The following DPP6 variants were observed in gnomAD, a reference collection of about 807,000 sequenced individuals.
The protein encoded by DPP6 is A-type potassium channel modulatory protein DPP6.
A neutral mutation model predicts 122.6 loss-of-function variants in DPP6; 69 were observed. The observed-to-expected ratio is 0.56, with a 90% CI of 0.46 to 0.69. DPP6 has a LOEUF of 0.69. Among genes scored for constraint, DPP6 ranks in the 30% least tolerant of loss-of-function variants. The pLI is 0.00. For synonymous variants in DPP6, 418 were observed against 433.1 expected (o/e 0.97, Z 0.43); for missense variants, 928 against 1,116.9 (o/e 0.83, Z 2.41).
chr7:154,288,134 C>A (rs1563419272), intron 1 of DPP6, among the ~76,000 whole-genome samples: 1 of 152,176 alleles, frequency 6.6e-6, no homozygotes, highest in Non-Finnish European at 1.5e-5. Context: ...AGAAAACTTC[C>A]TCTGGTTTTC....
intron 1 of DPP6, among the ~76,000 whole-genome samples, chr7:153,951,561 C>T (rs944892138): frequency 6.6e-6 from 1 of 152,218 alleles, no homozygotes; most frequent in Non-Finnish European, 1.5e-5. Flanking sequence ...CCCTGGCAGT[C>T]GCCACTGACA....
intron 1 of DPP6, among the ~76,000 whole-genome samples, chr7:154,284,275 G>T (rs1804709564): frequency 6.6e-6 from 1 of 152,160 alleles, no homozygotes; most frequent in Non-Finnish European, 1.5e-5. Flanking sequence ...GAAACAATCT[G>T]CAGGACGAAA....
intron 7 of DPP6, among the ~76,000 whole-genome samples, chr7:154,689,715 A>G (rs1839830613): frequency 6.6e-6 from 1 of 152,244 alleles, no homozygotes; most frequent in Non-Finnish European, 1.5e-5. Context: ...GCCATATATA[A>G]TTTACCAATT....
the DPP6 span, among the ~76,000 whole-genome samples, chr7:153,764,128 C>T: frequency 6.6e-6 from 1 of 152,168 alleles, no homozygotes; most frequent in Non-Finnish European, 1.5e-5. Flanking sequence ...CAAATAGTAT[C>T]ATTTACAAAA....
At chr7:153,936,650 C>CA (rs371398350) in intron 1 of DPP6, among the ~76,000 whole-genome samples, 93 of 146,242 alleles carry the variant, frequency 6.4e-4, no homozygotes, top group East Asian at 1.4e-3. Context: ...ACTAAAAATA[C>CA]AAAAAAAAAA....
At chr7:154,456,567 C>CT (rs1331808344) in intron 2 of DPP6, among the ~76,000 whole-genome samples, 1 of 97,438 alleles carries the variant, frequency 1.0e-5, no homozygotes, top group Non-Finnish European at 2.3e-5. Context: ...AAAATGCGCC[C>CT]CCCCCACCAA....
chr7:153,775,961 T>C, the DPP6 span, among the ~76,000 whole-genome samples: 1 of 152,200 alleles, frequency 6.6e-6, no homozygotes, highest in African/African-American at 2.4e-5. Context: ...TTTCTTTGTT[T>C]GGGAGATCTA....
chr7:153,986,573 A>T (rs1796860894), intron 1 of DPP6, among the ~76,000 whole-genome samples: 1 of 152,214 alleles, frequency 6.6e-6, no homozygotes, highest in African/African-American at 2.4e-5. Flanking sequence ...GGACCAGAGG[A>T]CCATGAAAAT....
chr7:154,272,428 G>A (rs902062791), intron 1 of DPP6, among the ~76,000 whole-genome samples: 3 of 152,174 alleles, frequency 2.0e-5, no homozygotes, highest in Admixed American at 1.3e-4. Context: ...GAAGCATTTT[G>A]TGCACCGCCT....
chr7:154,687,395 G>A (rs1169477505), intron 7 of DPP6, among the ~76,000 whole-genome samples: 1 of 152,128 alleles, frequency 6.6e-6, no homozygotes, highest in Non-Finnish European at 1.5e-5. Context: ...GTTTTCTGGT[G>A]CACATGTGGC....
At chr7:153,978,324 A>G (rs186245853) in intron 1 of DPP6, among the ~76,000 whole-genome samples, 406 of 152,152 alleles carry the variant, frequency 2.7e-3, no homozygotes, top group Middle Eastern at 6.8e-3. Context: ...GATTTTTTTC[A>G]TATGTTTGTT....
Position 154,570,206 on chromosome 7 carries a change from A to G in DPP6, c.627+3290A>G, listed in dbSNP as rs73483859. 7.6e-3 allele frequency among the ~76,000 whole-genome samples: 1,163 copies of G among 152,080 alleles called. 37 individuals carry two copies. Among genetic ancestry groups the G allele is most frequent in the African/African-American group, 0.026 (1,082 of 41,330 alleles). ...AGAGAAATGAGGAAACAGATCATTA[A>G]GGAGTTTAGACACAAATAGTACAGC... On this transcript the variant is annotated intron_variant, in intron 5 of 25. Transcript: ENST00000377770.
intron 19 of DPP6, among the ~76,000 whole-genome samples, chr7:154,874,059 A>G (rs1402903148): frequency 6.6e-6 from 1 of 151,796 alleles, no homozygotes; most frequent in Non-Finnish European, 1.5e-5. Flanking sequence ...GCACATATGC[A>G]CATGTATGTG....
chr7:154,102,707 T>C (rs1805839814), intron 1 of DPP6, among the ~76,000 whole-genome samples: 1 of 152,204 alleles, frequency 6.6e-6, no homozygotes, highest in African/African-American at 2.4e-5. Flanking sequence ...GATAACTGAA[T>C]GGACAACTAT....
chr7:153,760,739 G>A, the DPP6 span, among the ~76,000 whole-genome samples: 2 of 152,148 alleles, frequency 1.3e-5, no homozygotes, highest in Non-Finnish European at 2.9e-5. Flanking sequence ...TTGTTTGAGA[G>A]TGGCTTATCT....
At chr7:154,129,823 C>G (rs965836403) in intron 1 of DPP6, among the ~76,000 whole-genome samples, 1 of 151,900 alleles carries the variant, frequency 6.6e-6, no homozygotes, top group Non-Finnish European at 1.5e-5. Context: ...TGGCACAAAC[C>G]CAGGAGGCAG....
At chr7:154,809,114 C>T (rs188714991) in intron 16 of DPP6, among the ~76,000 whole-genome samples, 6 of 152,088 alleles carry the variant, frequency 3.9e-5, no homozygotes, top group African/African-American at 7.2e-5. Flanking sequence ...GGCTTCTCAC[C>T]GTTCATGGAA....
chr7:154,054,166 C>T (rs544185001), intron 1 of DPP6, among the ~76,000 whole-genome samples: 42 of 152,104 alleles, frequency 2.8e-4, no homozygotes, highest in Middle Eastern at 3.4e-3. Flanking sequence ...GGGGTCCCAC[C>T]GGCCTCTCAC....
intron 1 of DPP6, among the ~76,000 whole-genome samples, chr7:154,044,406 T>A (rs979402884): frequency 6.6e-6 from 1 of 152,204 alleles, no homozygotes; most frequent in African/African-American, 2.4e-5. Context: ...TTTTCATTAA[T>A]GAGAACCCAC....
Sources: allele counts gnomAD v4.1 joint callset (sites outside exome capture counted in the v4.1 genomes callset), GRCh38; gene constraint gnomAD v4.1.1; transcripts MANE v1.5; gene names NCBI Gene and HGNC (gene_info 2026-07-23, HGNC 2026-07-21).